The following COL23A1 variants were observed in gnomAD, a reference collection of about 807,000 sequenced individuals.
The protein encoded by COL23A1 is collagen type XXIII alpha 1 chain.
A neutral mutation model predicts 99.3 loss-of-function variants in COL23A1; 97 were observed. The ratio of observed to expected loss-of-function variants is 0.98; its 90% confidence interval spans 0.83 to 1.16. The LOEUF is 1.16. Among genes scored for constraint, COL23A1 ranks in the 50% most tolerant of loss-of-function variants. The pLI, the probability that COL23A1 is intolerant of heterozygous loss-of-function variation, is 0.00. For missense variants in COL23A1, 762 were observed against 757.4 expected, an observed-to-expected ratio of 1.01 and a Z score of -0.07; for synonymous variants, 320 against 308.2, an observed-to-expected ratio of 1.04 and a Z score of -0.40.
chr5:178,275,892 C>T (rs939726409), intron 5 of COL23A1, among the ~76,000 whole-genome samples: 2 of 152,236 alleles, frequency 1.3e-5, no homozygotes, highest in Admixed American at 6.5e-5. Context: ...CCTTAAACAC[C>T]CTGGCCCAGA....
In COL23A1 at chr5:178,328,334, T is replaced by C. The variant is rs370537488; in HGVS notation, c.362-21415A>G. On this transcript the variant is annotated intron_variant, in intron 2 of 28. Coordinates refer to ENST00000390654, the MANE Select transcript of COL23A1 (RefSeq NM_173465.4). ...CTGCTCTTTCCATCCAGCCTCTCCC[T>C]GATCCTCATCCAAGGGGCCTTTCTA... Among the ~76,000 whole-genome samples, 426 of 152,228 alleles carry C rather than the reference T, an allele frequency of 2.8e-3. 4 individuals carry two copies. Among genetic ancestry groups the C allele is most frequent in the African/African-American group, 9.8e-3 (406 of 41,534 alleles).
intron 2 of COL23A1, among the ~76,000 whole-genome samples, chr5:178,537,042 A>G (rs572941106): frequency 6.6e-6 from 1 of 152,354 alleles, no homozygotes; most frequent in Non-Finnish European, 1.5e-5. Context: ...CTTACCTTCC[A>G]GAGACACATA....
intron 2 of COL23A1, among the ~76,000 whole-genome samples, chr5:178,500,798 T>A (rs184227328): frequency 3.5e-4 from 53 of 151,988 alleles, no homozygotes; most frequent in African/African-American, 9.9e-4. Context: ...AGTAAGAAAA[T>A]GTTCCTTAAA....
chr5:178,434,366 T>A lies in COL23A1; in HGVS notation c.361+126316A>T, dbSNP rs1332073219. ...GGACAGATGCAGCAACCACACATGG[T>A]CCCACCAGGACAGCGCCCCTGCAGC... is the stretch of plus-strand genomic sequence containing the variant. On this transcript the variant is annotated intron_variant, in intron 2 of 28. Transcript: ENST00000390654. This position sits in a 1 kb window ranked among gnomAD's most constrained non-coding sequence, Gnocchi z 4.3. 6.6e-6 allele frequency among the ~76,000 whole-genome samples: 1 copy of A among 152,174 alleles called. No individual in the cohort carries two copies. Among genetic ancestry groups the A allele is most frequent in the Non-Finnish European group, 1.5e-5 (1 of 68,026 alleles).
chr5:178,476,663 A>G (rs1332199244), intron 2 of COL23A1, among the ~76,000 whole-genome samples: 1 of 152,244 alleles, frequency 6.6e-6, no homozygotes, highest in African/African-American at 2.4e-5. Flanking sequence ...AACCAGCAGC[A>G]TTCTGTGAAC....
At chr5:178,397,846 G>T (rs1182712225) in intron 2 of COL23A1, among the ~76,000 whole-genome samples, 1 of 152,194 alleles carries the variant, frequency 6.6e-6, no homozygotes, top group Admixed American at 6.5e-5. Flanking sequence ...ACTTAGCTGG[G>T]TGTGGTGACA....
chr5:178,345,199 G>T lies in COL23A1; in HGVS notation c.362-38280C>A, dbSNP rs1453237329. The T allele has an allele frequency of 4.7e-6, 4 of 851,046 alleles. No homozygotes were observed. In the East Asian group the frequency reaches 1.5e-4, roughly 32 times the overall value. The allele number at this position is 851,046 out of a possible 1,614,324, so 52.7% of individuals were successfully genotyped here. A position where few individuals can be genotyped will look rare whatever the true frequency, so the allele number is the denominator to read the frequency against. On this transcript the variant is annotated intron_variant, in intron 2 of 28. Transcript: ENST00000390654. ...TAGTCTCTAACTCCAGACTCCACCA[G>T]ATGTGCGGGGTTAGAGATGTTCTTG... is the stretch of plus-strand genomic sequence containing the variant.
At chr5:178,516,384 G>A (rs985707469) in intron 2 of COL23A1, among the ~76,000 whole-genome samples, 4 of 152,174 alleles carry the variant, frequency 2.6e-5, no homozygotes, top group Non-Finnish European at 4.4e-5. Flanking sequence ...GCCCAAAGGC[G>A]CTGCCCGATG....
chr5:178,518,655 A>AC lies in COL23A1; in HGVS notation c.361+42026_361+42027insG, dbSNP rs1455167960. ...GGCAGAGACGCTCCTCACTTCCTAG[A>AC]TGGGATGGCGGCCGGGCGGAGACGC... On this transcript the variant is annotated intron_variant, in intron 2 of 28. Coordinates refer to ENST00000390654, the MANE Select transcript of COL23A1 (RefSeq NM_173465.4). Among the ~76,000 whole-genome samples, 80 of 115,598 alleles carry AC rather than the reference A, an allele frequency of 6.9e-4. No homozygotes were observed. The Middle Eastern group carries it at 0.023, about 33-fold the overall frequency. 75.8% of individuals were successfully genotyped at this position (115,598 alleles called of 152,430 possible).
chr5:178,304,274 C>T (rs1758227824), intron 3 of COL23A1, among the ~76,000 whole-genome samples: 1 of 152,108 alleles, frequency 6.6e-6, no homozygotes, highest in Non-Finnish European at 1.5e-5. Context: ...TTTGGGAGGC[C>T]AAGGCGGGCG....
At chr5:178,375,832 C>T (rs1763042084) in intron 2 of COL23A1, among the ~76,000 whole-genome samples, 2 of 152,164 alleles carry the variant, frequency 1.3e-5, no homozygotes, top group South Asian at 2.1e-4. Context: ...CTCAGTCTCC[C>T]GAGTAGCTGG....
intron 2 of COL23A1, among the ~76,000 whole-genome samples, chr5:178,529,664 G>A (rs1308976509): frequency 1.3e-5 from 2 of 152,180 alleles, no homozygotes; most frequent in Non-Finnish European, 2.9e-5. Context: ...GAGTGGACAC[G>A]AGGGGCATAG....
chr5:178,552,087 T>G (rs748680065), intron 2 of COL23A1, among the ~76,000 whole-genome samples: 1 of 152,166 alleles, frequency 6.6e-6, no homozygotes, highest in Non-Finnish European at 1.5e-5. Context: ...GGAAGGACCC[T>G]CCTCCAACCC....
chr5:178,349,537 G>C (rs9687248), intron 2 of COL23A1, among the ~76,000 whole-genome samples: 3 of 38,222 alleles, frequency 7.8e-5, no homozygotes, highest in Non-Finnish European at 1.5e-4. Context: ...CCTAGGCAGG[G>C]CCACCCCCCA....
At chr5:178,276,926 C>T (rs140968827) in intron 5 of COL23A1, among the ~76,000 whole-genome samples, 5 of 152,316 alleles carry the variant, frequency 3.3e-5, no homozygotes, top group African/African-American at 4.8e-5. Context: ...GGGTCCCAAG[C>T]GCTTGCACCA....
chr5:178,475,746 C>T (rs1756993606), intron 2 of COL23A1, among the ~76,000 whole-genome samples: 1 of 152,156 alleles, frequency 6.6e-6, no homozygotes, highest in Admixed American at 6.5e-5. Context: ...AGCTCAGAGG[C>T]CTCTTTCAAG....
chr5:178,537,771 G>A (rs1344701690), intron 2 of COL23A1, among the ~76,000 whole-genome samples: 4 of 152,248 alleles, frequency 2.6e-5, no homozygotes, highest in Admixed American at 2.0e-4. Context: ...GCGGCACGAC[G>A]TTTAAGTGGT....
At chr5:178,246,961 G>A (rs1211266340) in intron 22 of COL23A1, among the ~76,000 whole-genome samples, 1 of 152,218 alleles carries the variant, frequency 6.6e-6, no homozygotes, top group Non-Finnish European at 1.5e-5. Flanking sequence ...AGCTGGGGAA[G>A]CAGAGATTTG....
At chr5:178,526,679 G>T (rs992551533) in intron 2 of COL23A1, among the ~76,000 whole-genome samples, 3 of 152,112 alleles carry the variant, frequency 2.0e-5, no homozygotes, top group African/African-American at 4.8e-5. Context: ...CTACAATGGG[G>T]TGTTTCCACT....
Sources: allele counts gnomAD v4.1 joint callset (sites outside exome capture counted in the v4.1 genomes callset), GRCh38; gene constraint gnomAD v4.1.1; non-coding constraint Gnocchi (gnomAD v3.1); transcripts MANE v1.5; gene names NCBI Gene and HGNC (gene_info 2026-07-23, HGNC 2026-07-21).